ZSCAN30: variants seen among roughly 807,000 people sequenced by gnomAD.
The protein encoded by ZSCAN30 is zinc finger and SCAN domain-containing protein 30.
A neutral mutation model predicts 44.3 loss-of-function variants in ZSCAN30; 37 were observed. That is an observed-to-expected ratio of 0.84 (90% CI 0.64 to 1.10). The LOEUF is 1.10. Ranked by LOEUF, ZSCAN30 falls within the 50% of genes least tolerant of loss-of-function variation. The pLI is 0.00. For missense variants in ZSCAN30, 549 were observed against 582.6 expected, an observed-to-expected ratio of 0.94 and a Z score of 0.59; for synonymous variants, 181 against 204.6, an observed-to-expected ratio of 0.88 and a Z score of 0.98.
At chr18:35,268,762 A>G (rs1012408622) in intron 1 of ZSCAN30, 2 of 152,234 alleles carry the variant, frequency 1.3e-5, no homozygotes, top group Non-Finnish European at 2.9e-5. Flanking sequence ...TCTTTTGAGA[A>G]TTGTGATACT....
intron 1 of ZSCAN30, chr18:35,268,340 G>T (rs370233072): frequency 3.9e-5 from 6 of 152,204 alleles, no homozygotes; most frequent in African/African-American, 1.2e-4. Flanking sequence ...GTATAGAGTG[G>T]ATTAAAGGAC....
chr18:35,277,153 C>T (rs941902077), intron 1 of ZSCAN30, among the ~76,000 whole-genome samples: 9 of 152,280 alleles, frequency 5.9e-5, no homozygotes, highest in Non-Finnish European at 2.9e-5. Flanking sequence ...GTGTATTTAC[C>T]CAGTGCCTGT....
chr18:35,271,175 C>T (rs1217059446), intron 1 of ZSCAN30, among the ~76,000 whole-genome samples: 1 of 152,176 alleles, frequency 6.6e-6, no homozygotes, highest in South Asian at 2.1e-4. Context: ...CCACCAGGTT[C>T]CTGCTGCTTG....
At chr18:35,276,391 T>C (rs1356668137) in intron 1 of ZSCAN30, among the ~76,000 whole-genome samples, 1 of 152,122 alleles carries the variant, frequency 6.6e-6, no homozygotes, top group Non-Finnish European at 1.5e-5. Flanking sequence ...GCAGGGCATG[T>C]CAGAGACCTT....
chr18:35,282,075 CAAG>C (rs1311250263), intron 1 of ZSCAN30: 1 of 152,152 alleles, frequency 6.6e-6, no homozygotes, highest in African/African-American at 2.4e-5. Flanking sequence ...TAGTTGAATT[CAAG>C]AAGAACATTC....
intron 1 of ZSCAN30, chr18:35,281,174 A>G (rs1433085901): frequency 6.6e-6 from 1 of 152,252 alleles, no homozygotes; most frequent in Non-Finnish European, 1.5e-5. Flanking sequence ...GAATTCAGGT[A>G]GAATATTGGT....
At position 35,266,463 on chromosome 18, in the gene ZSCAN30, G is replaced by C. The variant is rs557175432; in HGVS notation, c.-103-2008C>G. ...ACACACCGTATAAGGGCTTGGAAGAGAGAGGGGTCAAGGACTCAAGTTTGT... is the reference window on the plus strand; with the variant it reads ...ACACACCGTATAAGGGCTTGGAAGACAGAGGGGTCAAGGACTCAAGTTTGT... On this transcript the variant is annotated intron_variant, in intron 1 of 3. Coordinates refer to ENST00000333206, the MANE Select transcript of ZSCAN30 (RefSeq NM_001112734.4). 3.3e-5 allele frequency among the ~76,000 whole-genome samples: 5 copies of C among 152,250 alleles called. No individual in the cohort carries two copies. The East Asian group carries it at 9.7e-4, about 29-fold the overall frequency.
intron 1 of ZSCAN30, chr18:35,281,339 G>C (rs916149550): frequency 6.6e-5 from 10 of 152,074 alleles, no homozygotes; most frequent in African/African-American, 2.4e-4. Context: ...GCTCAGATTT[G>C]TTTTGGCCAG....
Position 35,258,480 on chromosome 18 carries a change from G to C in ZSCAN30, c.554-4099C>G, listed in dbSNP as rs183443763. 1.2e-3 allele frequency: 187 copies of C among 155,916 alleles called. 1 individual carries two copies. In the Middle Eastern group the frequency reaches 0.013, roughly 11 times the overall value. 9.7% of individuals were successfully genotyped at this position (155,916 alleles called of 1,614,324 possible). A position where few individuals can be genotyped will look rare whatever the true frequency, so the allele number is the denominator to read the frequency against. On this transcript the variant is annotated intron_variant, in intron 3 of 3. Coordinates refer to ENST00000333206, the MANE Select transcript of ZSCAN30 (RefSeq NM_001112734.4). Reference sequence around the variant, plus strand: ...TTGTCTTGATCCCCAAACTTCAGATGAATGTGGAGAAACTGAAGCATGTCC... The same window carrying C: ...TTGTCTTGATCCCCAAACTTCAGATCAATGTGGAGAAACTGAAGCATGTCC...
chr18:35,253,370 G>T lies in ZSCAN30; in HGVS notation c.*80C>A. ...GGAAGGACAGAAGTTCTGCTCTCAGGAAACTTTTCTTTTCTGTGGAGTCTC... is the reference window on the plus strand; with the variant it reads ...GGAAGGACAGAAGTTCTGCTCTCAGTAAACTTTTCTTTTCTGTGGAGTCTC... On this transcript the variant is annotated 3_prime_UTR_variant, in exon 4 of 4. Coordinates refer to ENST00000333206, the MANE Select transcript of ZSCAN30 (RefSeq NM_001112734.4). The T allele has an allele frequency of 8.0e-7, 1 of 1,250,814 alleles. No homozygotes were observed. The highest frequency in any genetic ancestry group is 1.1e-6 in the Non-Finnish European group (1 of 907,732). 77.5% of individuals were successfully genotyped at this position (1,250,814 alleles called of 1,614,324 possible).
chr18:35,272,838 TG>T (rs2044307230), intron 1 of ZSCAN30, among the ~76,000 whole-genome samples: 1 of 152,160 alleles, frequency 6.6e-6, no homozygotes, highest in Admixed American at 6.5e-5. Context: ...CTCACAAACA[TG>T]GTGGAAGGTG....
rs2043634916 is a variant in ZSCAN30 at position 35,252,507 on chromosome 18, T to G, written c.*943A>C. 1 of 152,200 alleles carries G rather than the reference T, an allele frequency of 6.6e-6. No individual in the cohort carries two copies. The highest frequency in any genetic ancestry group is 2.1e-4 in the South Asian group (1 of 4,826). 9.4% of individuals were successfully genotyped at this position (152,200 alleles called of 1,614,324 possible). Reference sequence around the variant, plus strand: ...TGTTGAATTACTCCTTCAGATTCATTTTTTTAAAAATTAGGTCTATGACAA... The same window carrying G: ...TGTTGAATTACTCCTTCAGATTCATGTTTTTAAAAATTAGGTCTATGACAA... On this transcript the variant is annotated 3_prime_UTR_variant, in exon 4 of 4. Transcript: ENST00000333206.
chr18:35,252,084 CTT>C lies in ZSCAN30; in HGVS notation c.*1364_*1365del, dbSNP rs996096657. The C allele has an allele frequency of 2.0e-5, 3 of 152,178 alleles. No individual in the cohort carries two copies. Among genetic ancestry groups the C allele is most frequent in the African/African-American group, 4.8e-5 (2 of 41,438 alleles). The allele number at this position is 152,178 out of a possible 1,614,324, so 9.4% of individuals were successfully genotyped here. On this transcript the variant is annotated 3_prime_UTR_variant, in exon 4 of 4. Coordinates refer to ENST00000333206, the MANE Select transcript of ZSCAN30 (RefSeq NM_001112734.4). ...CTGGAGACAGCCCATCATCAGGACT[CTT>C]CTCTCCAGCAGGAATTAGTTGTCAT...
intron 1 of ZSCAN30, among the ~76,000 whole-genome samples, chr18:35,286,670 A>T (rs957059178): frequency 3.9e-5 from 6 of 152,148 alleles, no homozygotes; most frequent in Non-Finnish European, 7.4e-5. Flanking sequence ...ATCATGCTTA[A>T]CAGAGAAAGG....
At chr18:35,260,255 C>CT (rs1223604346) in intron 3 of ZSCAN30, 1 of 152,232 alleles carries the variant, frequency 6.6e-6, no homozygotes, top group African/African-American at 2.4e-5. Context: ...TTTATCCACT[C>CT]TATCACTGGT....
rs566577856 is a variant in ZSCAN30, at chr18:35,273,495, A to C, written c.-103-9040T>G. Among the ~76,000 whole-genome samples, 15 of 152,350 alleles carry C rather than the reference A, an allele frequency of 9.8e-5. No homozygotes were observed. The South Asian group carries it at 3.1e-3, about 32-fold the overall frequency. On this transcript the variant is annotated intron_variant, in intron 1 of 3. Transcript: ENST00000333206. ...CCTTTTGGCTGTTTTGAATAATGCTACTATCATTATAACAGTACCTTTAAT... is the reference window on the plus strand; with the variant it reads ...CCTTTTGGCTGTTTTGAATAATGCTCCTATCATTATAACAGTACCTTTAAT...
intron 1 of ZSCAN30, among the ~76,000 whole-genome samples, chr18:35,273,357 G>A (rs1434230818): frequency 6.6e-6 from 1 of 152,066 alleles, no homozygotes; most frequent in Non-Finnish European, 1.5e-5. Flanking sequence ...TATCCATGTT[G>A]TAGTATATGT....
intron 1 of ZSCAN30, among the ~76,000 whole-genome samples, chr18:35,277,335 A>T (rs1383728456): frequency 6.6e-6 from 1 of 152,148 alleles, no homozygotes; most frequent in Non-Finnish European, 1.5e-5. Context: ...AAATGTGAGG[A>T]CATGAGATTT....
At chr18:35,271,165 C>T (rs961170083) in intron 1 of ZSCAN30, among the ~76,000 whole-genome samples, 2 of 152,106 alleles carry the variant, frequency 1.3e-5, no homozygotes, top group Non-Finnish European at 2.9e-5. Context: ...GAAAAGGACC[C>T]CACCAGGTTC....
Sources: allele counts gnomAD v4.1 joint callset (sites outside exome capture counted in the v4.1 genomes callset), GRCh38; gene constraint gnomAD v4.1.1; transcripts MANE v1.5; gene names NCBI Gene and HGNC (gene_info 2026-07-23, HGNC 2026-07-21).